The following CAMSAP2 variants were observed in gnomAD, a reference collection of about 807,000 sequenced individuals.
The protein encoded by CAMSAP2 is calmodulin-regulated spectrin-associated protein 2.
In CAMSAP2, 26 loss-of-function variants were observed where a neutral mutation model predicts 146.1. The observed-to-expected ratio is 0.18, with a 90% CI of 0.13 to 0.25. The LOEUF is 0.25. Among genes scored for constraint, CAMSAP2 ranks in the 10% least tolerant of loss-of-function variants. The pLI, the probability that CAMSAP2 is intolerant of heterozygous loss-of-function variation, is 1.00. For synonymous variants in CAMSAP2, 499 were observed against 596.6 expected (o/e 0.84, Z 2.38); for missense variants, 1,381 against 1,759.3 (o/e 0.78, Z 3.85).
intron 2 of CAMSAP2, among the ~76,000 whole-genome samples, chr1:200,763,355 A>T (rs74689616): frequency 6.6e-6 from 1 of 152,052 alleles, no homozygotes; most frequent in African/African-American, 2.4e-5. Flanking sequence ...CCTGGCTAAC[A>T]TGGCGAAACC....
intron 6 of CAMSAP2, among the ~76,000 whole-genome samples, chr1:200,837,653 T>C (rs1425707304): frequency 6.6e-6 from 1 of 152,178 alleles, no homozygotes; most frequent in African/African-American, 2.4e-5. Context: ...AATCTATACA[T>C]TGATTTGGGC....
chr1:200,779,918 A>C (rs1329293423), intron 2 of CAMSAP2, among the ~76,000 whole-genome samples: 1 of 152,168 alleles, frequency 6.6e-6, no homozygotes, highest in East Asian at 1.9e-4. Flanking sequence ...TTTTTTAAAT[A>C]ATGAGGCAGA....
chr1:200,794,940 T>C (rs1392354661), intron 2 of CAMSAP2, among the ~76,000 whole-genome samples: 1 of 152,234 alleles, frequency 6.6e-6, no homozygotes, highest in Non-Finnish European at 1.5e-5. Context: ...AACCATGTTA[T>C]TTTTACAGCA....
chr1:200,799,619 C>T (rs928622130), intron 2 of CAMSAP2, among the ~76,000 whole-genome samples: 13 of 152,044 alleles, frequency 8.6e-5, no homozygotes, highest in Admixed American at 4.6e-4. Context: ...TTTCAGAAAA[C>T]CAGCTCCTGG....
At chr1:200,856,276 C>G in intron 15 of CAMSAP2, 151 bp downstream of exon 15, 1 of 596,478 alleles carries the variant, frequency 1.7e-6, no homozygotes, top group Non-Finnish European at 3.0e-6. Flanking sequence ...TCAGGTAGTT[C>G]AGTAAGTTTC....
chr1:200,809,323 T>A (rs1456141668), intron 3 of CAMSAP2, among the ~76,000 whole-genome samples: 1 of 152,216 alleles, frequency 6.6e-6, no homozygotes, highest in Non-Finnish European at 1.5e-5. Flanking sequence ...CAAACGTGAG[T>A]TTTCTACTAC....
chr1:200,850,313 A>C, intron 11 of CAMSAP2, 79 bp downstream of exon 11: 1 of 1,267,774 alleles, frequency 7.9e-7, no homozygotes, highest in Non-Finnish European at 1.1e-6. Context: ...TTTTCAGTTG[A>C]CATGCTTGCT....
intron 2 of CAMSAP2, among the ~76,000 whole-genome samples, chr1:200,777,307 C>G (rs1414241224): frequency 6.6e-6 from 1 of 152,116 alleles, no homozygotes; most frequent in Non-Finnish European, 1.5e-5. Context: ...AAATTATTTC[C>G]TTCCCCTTGA....
intron 1 of CAMSAP2, among the ~76,000 whole-genome samples, chr1:200,751,039 A>G: frequency 6.6e-6 from 1 of 150,582 alleles, no homozygotes; most frequent in East Asian, 2.0e-4. Flanking sequence ...AGTAGCTGGG[A>G]TTACAGGCAC....
chr1:200,802,278 G>A (rs1198282303), intron 2 of CAMSAP2, among the ~76,000 whole-genome samples: 1 of 152,188 alleles, frequency 6.6e-6, no homozygotes, highest in Non-Finnish European at 1.5e-5. Context: ...ACCATAGACA[G>A]ACCAGGATTT....
At chr1:200,817,726 G>A (rs907033270) in intron 4 of CAMSAP2, among the ~76,000 whole-genome samples, 11 of 152,204 alleles carry the variant, frequency 7.2e-5, no homozygotes. Flanking sequence ...AAATCTTGTG[G>A]AGGACCACGT....
intron 2 of CAMSAP2, among the ~76,000 whole-genome samples, chr1:200,771,777 T>C (rs892648211): frequency 1.3e-5 from 2 of 152,198 alleles, no homozygotes; most frequent in African/African-American, 4.8e-5. Context: ...GGAACCACCC[T>C]GTCTTATAGA....
intron 2 of CAMSAP2, among the ~76,000 whole-genome samples, chr1:200,788,953 G>A (rs2103029511): frequency 6.6e-6 from 1 of 152,036 alleles, no homozygotes; most frequent in South Asian, 2.1e-4. Context: ...TGCCCGGCCA[G>A]AACATCTTTT....
chr1:200,803,108 G>A (rs1370580837), intron 2 of CAMSAP2, among the ~76,000 whole-genome samples: 1 of 152,174 alleles, frequency 6.6e-6, no homozygotes, highest in Non-Finnish European at 1.5e-5. Flanking sequence ...TGCTGTTTCT[G>A]TTGCTGCCGC....
At chr1:200,820,925 T>C (rs1666744335) in intron 4 of CAMSAP2, among the ~76,000 whole-genome samples, 1 of 152,206 alleles carries the variant, frequency 6.6e-6, no homozygotes, top group South Asian at 2.1e-4. Flanking sequence ...TTTTAACGTA[T>C]AATTTTGTAC....
intron 1 of CAMSAP2, among the ~76,000 whole-genome samples, chr1:200,756,100 G>A (rs1158649514): frequency 6.6e-6 from 1 of 152,144 alleles, no homozygotes; most frequent in Non-Finnish European, 1.5e-5. Flanking sequence ...CAGTACATTT[G>A]TGGAATATGG....
Position 200,825,569 on chromosome 1 carries a change from C to T in CAMSAP2, c.646-6631C>T, listed in dbSNP as rs868490148. Among the ~76,000 whole-genome samples the T allele has an allele frequency of 4.7e-5, 7 of 149,654 alleles. No homozygotes were observed. The East Asian group carries it at 5.9e-4, about 13-fold the overall frequency. ...CCACCCAGGCTGGAGTGCAATGGTG[C>T]GATCTCGGCTCACTGCAACCTCTGC... is the stretch of plus-strand genomic sequence containing the variant. On this transcript the variant is annotated intron_variant, in intron 4 of 16. Transcript: ENST00000358823.
At chr1:200,790,467 A>G (rs1208484798) in intron 2 of CAMSAP2, among the ~76,000 whole-genome samples, 2 of 152,050 alleles carry the variant, frequency 1.3e-5, no homozygotes, top group African/African-American at 4.8e-5. Flanking sequence ...TGGAGTTTTA[A>G]CTCTCAGACT....
intron 2 of CAMSAP2, among the ~76,000 whole-genome samples, chr1:200,777,528 T>A (rs1047968962): frequency 3.9e-5 from 6 of 152,128 alleles, no homozygotes; most frequent in African/African-American, 1.2e-4. Flanking sequence ...TAAAAAGTGC[T>A]CAACAACACT....
Sources: allele counts gnomAD v4.1 joint callset (sites outside exome capture counted in the v4.1 genomes callset), GRCh38; gene constraint gnomAD v4.1.1; transcripts MANE v1.5; gene names NCBI Gene and HGNC (gene_info 2026-07-23, HGNC 2026-07-21).